The following MICU2 variants were observed in gnomAD, a reference collection of about 807,000 sequenced individuals.
The protein encoded by MICU2 is calcium uptake protein 2, mitochondrial.
A neutral mutation model predicts 60.4 loss-of-function variants in MICU2; 64 were observed. The observed-to-expected ratio is 1.06, with a 90% CI of 0.87 to 1.31. The LOEUF (loss-of-function observed/expected upper bound fraction) is 1.31. Ranked by LOEUF, MICU2 falls within the 50% of genes most tolerant of loss-of-function variation. The pLI, the probability that MICU2 is intolerant of heterozygous loss-of-function variation, is 0.00. For missense variants in MICU2, 569 were observed against 531.0 expected, an observed-to-expected ratio of 1.07 and a Z score of -0.70; for synonymous variants, 201 against 175.0, an observed-to-expected ratio of 1.15 and a Z score of -1.17.
chr13:21,493,732 T>G (rs936078640), intron 11 of MICU2, among the ~76,000 whole-genome samples: 2 of 151,908 alleles, frequency 1.3e-5, no homozygotes, highest in African/African-American at 4.8e-5. Context: ...TTTGTTTAGC[T>G]ATGTAGAATA....
At chr13:21,566,682 C>T in intron 2 of MICU2, 115 bp downstream of exon 2, 1 of 821,306 alleles carries the variant, frequency 1.2e-6, no homozygotes. Flanking sequence ...TAAGCAAATG[C>T]ATGGTACAAA....
chr13:21,496,883 T>C (rs1481954149), intron 9 of MICU2, among the ~76,000 whole-genome samples: 3 of 151,700 alleles, frequency 2.0e-5, no homozygotes, highest in Non-Finnish European at 2.9e-5. Flanking sequence ...ATGAAATCCC[T>C]TCTCTACTAA....
chr13:21,598,239 T>C (rs1284758654), intron 1 of MICU2, among the ~76,000 whole-genome samples: 2 of 152,136 alleles, frequency 1.3e-5, no homozygotes, highest in Non-Finnish European at 2.9e-5. Flanking sequence ...TATCCAATAT[T>C]ACGTATAATT....
chr13:21,559,035 G>A (rs1190353872), intron 2 of MICU2, among the ~76,000 whole-genome samples: 1 of 152,160 alleles, frequency 6.6e-6, no homozygotes, highest in Non-Finnish European at 1.5e-5. Flanking sequence ...GGTAGGGAGG[G>A]AGTTCTTGGT....
At chr13:21,525,913 CTTATTTATTTATTTATTTATTTAT>C (rs60527711) in intron 4 of MICU2, among the ~76,000 whole-genome samples, 2 of 144,238 alleles carry the variant, frequency 1.4e-5, no homozygotes, top group African/African-American at 2.6e-5. Context: ...GTGATGTAGT[CTTATTTATTTATTTATTTATTTAT>C]TTATTTATTT....
In MICU2 at chr13:21,521,266, A is replaced by G; in HGVS notation, c.576T>C (p.Ile192=). Residue 192 remains isoleucine (I), a synonymous_variant, in exon 6 of 12, where the codon ATT becomes ATC. Coordinates refer to ENST00000382374, the MANE Select transcript of MICU2 (RefSeq NM_152726.3). ...TTACCTTAAAAAATTCCCTTTTTTC[A>G]ATCATCTCATTACCATCTGTATCCA... is the stretch of plus-strand genomic sequence containing the variant. The part of the protein sequence containing the change: ...KMLDTDGNEM[I]EKREFFKLQK... 6.2e-7 allele frequency: 1 copy of G among 1,605,356 alleles called. No individual in the cohort carries two copies. The highest frequency in any genetic ancestry group is 8.5e-7 in the Non-Finnish European group (1 of 1,177,250).
At chr13:21,522,137 G>A (rs896815081) in intron 5 of MICU2, among the ~76,000 whole-genome samples, 9 of 152,108 alleles carry the variant, frequency 5.9e-5, no homozygotes, top group African/African-American at 1.9e-4. Context: ...CTACACTATC[G>A]ACTTAATCTG....
At chr13:21,565,552 A>G (rs2985173) in intron 2 of MICU2, among the ~76,000 whole-genome samples, 148,543 of 152,380 alleles carry the variant, frequency 0.97, 72,500 homozygotes, top group Middle Eastern at 1. Flanking sequence ...CAGACACTTG[A>G]GAGGCTGAGG....
chr13:21,561,209 T>C (rs113520064), intron 2 of MICU2, among the ~76,000 whole-genome samples: 1 of 152,210 alleles, frequency 6.6e-6, no homozygotes, highest in African/African-American at 2.4e-5. Flanking sequence ...TGTTTTATGA[T>C]CCCAAATTTG....
intron 1 of MICU2, among the ~76,000 whole-genome samples, chr13:21,585,058 A>G (rs994108430): frequency 6.6e-6 from 1 of 152,236 alleles, no homozygotes; most frequent in African/African-American, 2.4e-5. Context: ...GATTTACAGT[A>G]GGATCGTTAA....
chr13:21,554,149 C>G (rs577313782), intron 2 of MICU2, among the ~76,000 whole-genome samples: 7 of 152,184 alleles, frequency 4.6e-5, no homozygotes, highest in African/African-American at 1.7e-4. Context: ...TAAGGATATC[C>G]GGGAATTGAA....
At chr13:21,504,315 T>C (rs1886244000) in intron 8 of MICU2, among the ~76,000 whole-genome samples, 2 of 151,968 alleles carry the variant, frequency 1.3e-5, no homozygotes, top group South Asian at 2.1e-4. Context: ...TGCAAATGAG[T>C]GTACACTGAA....
At position 21,522,660 on chromosome 13, in the gene MICU2, A is replaced by G; in HGVS notation, c.467-10T>C. 1 of 1,587,150 alleles carries G rather than the reference A, an allele frequency of 6.3e-7. No homozygotes were observed. Among genetic ancestry groups the G allele is most frequent in the Non-Finnish European group, 8.6e-7 (1 of 1,163,668 alleles). On this transcript the variant is annotated splice_polypyrimidine_tract_variant and intron_variant, in intron 4 of 11. Coordinates refer to ENST00000382374, the MANE Select transcript of MICU2 (RefSeq NM_152726.3). Reference sequence around the variant, plus strand: ...GTATATGAAATTAGCCCTGAAAGAGATAAAAACATACCAGAAAATAAGCTT... The same window carrying G: ...GTATATGAAATTAGCCCTGAAAGAGGTAAAAACATACCAGAAAATAAGCTT...
chr13:21,557,490 G>A (rs1887736583), intron 2 of MICU2, among the ~76,000 whole-genome samples: 7 of 152,112 alleles, frequency 4.6e-5, no homozygotes. Context: ...AAAGGAGCAT[G>A]GGGAGATGGT....
chr13:21,601,754 C>G (rs9580167), intron 1 of MICU2, among the ~76,000 whole-genome samples: 25,646 of 152,106 alleles, frequency 0.17, 2,903 homozygotes, highest in Non-Finnish European at 0.26. Context: ...TGGGAAGGTG[C>G]CTGAGTAGTG....
chr13:21,580,527 G>A (rs1473661652), intron 1 of MICU2, among the ~76,000 whole-genome samples: 1 of 149,106 alleles, frequency 6.7e-6, no homozygotes, highest in East Asian at 2.0e-4. Context: ...GACAGAGCCT[G>A]ATATTCTACA....
intron 1 of MICU2, 141 bp downstream of exon 1, chr13:21,603,798 A>T: frequency 1.1e-6 from 1 of 916,020 alleles, no homozygotes; most frequent in Non-Finnish European, 1.6e-6. Context: ...GAGTCCCACC[A>T]GTCGCAGGGC....
intron 1 of MICU2, among the ~76,000 whole-genome samples, chr13:21,580,489 G>C (rs1888323415): frequency 6.7e-6 from 1 of 149,418 alleles, no homozygotes; most frequent in African/African-American, 2.4e-5. Context: ...TGGGAAGAGA[G>C]GGGAGCAGAC....
intron 4 of MICU2, among the ~76,000 whole-genome samples, chr13:21,526,038 G>A (rs958563751): frequency 7.9e-5 from 12 of 151,352 alleles, no homozygotes; most frequent in African/African-American, 2.2e-4. Flanking sequence ...AGGTTCAAGC[G>A]ATCCTCCCCA....
Sources: gnomAD v4.1 joint callset for allele counts (sites outside exome capture counted in the v4.1 genomes callset) on GRCh38, gnomAD v4.1.1 for gene constraint, MANE v1.5 for transcripts, NCBI Gene and HGNC (gene_info 2026-07-23, HGNC 2026-07-21) for gene names.